RYR3: variants seen among roughly 807,000 people sequenced by gnomAD.
RYR3 encodes the protein ryanodine receptor 3.
Under a neutral mutation model 584.3 loss-of-function variants are expected in RYR3, and 207 were observed. The ratio of observed to expected loss-of-function variants is 0.35; its 90% CI spans 0.32 to 0.40. The LOEUF is 0.40. Ranked by LOEUF, RYR3 falls within the 10% of genes least tolerant of loss-of-function variation. RYR3 has a pLI of 1.00. For missense variants in RYR3, 5,616 were observed against 6,089.2 expected (o/e 0.92, Z 2.59); for synonymous variants, 2,416 against 2,248.5 (o/e 1.07, Z -2.11).
At chr15:33,631,967 G>T (rs770659510) in intron 23 of RYR3, among the ~76,000 whole-genome samples, 3 of 152,242 alleles carry the variant, frequency 2.0e-5, no homozygotes, top group African/African-American at 7.2e-5. Flanking sequence ...TCTCACACAC[G>T]CAACTCCTAG....
intron 64 of RYR3, among the ~76,000 whole-genome samples, chr15:33,776,612 C>G (rs1307000236): frequency 6.6e-6 from 1 of 152,220 alleles, no homozygotes; most frequent in African/African-American, 2.4e-5. Flanking sequence ...AGGTCACCAT[C>G]ACTGCTGTCT....
chr15:33,435,736 C>T (rs2045649686), intron 1 of RYR3, among the ~76,000 whole-genome samples: 1 of 152,112 alleles, frequency 6.6e-6, no homozygotes, highest in African/African-American at 2.4e-5. Flanking sequence ...GTCTCACTGA[C>T]TTCAGAGATG....
At chr15:33,522,651 GGATT>G (rs569418587) in intron 3 of RYR3, among the ~76,000 whole-genome samples, 3,876 of 152,284 alleles carry the variant, frequency 0.025, 63 homozygotes, top group Non-Finnish European at 0.04. Context: ...AGCCAGTTGA[GGATT>G]TAACTATCTG....
At chr15:33,728,747 A>C in intron 46 of RYR3, 110 bp from the exon 47 acceptor site, 1 of 1,013,190 alleles carries the variant, frequency 9.9e-7, no homozygotes, top group East Asian at 3.1e-5. Context: ...TTTTTCCAAA[A>C]ATTCTTGTCC....
chr15:33,323,157 G>A (rs1459257167), intron 1 of RYR3, among the ~76,000 whole-genome samples: 1 of 151,824 alleles, frequency 6.6e-6, no homozygotes, highest in Non-Finnish European at 1.5e-5. Context: ...TGTCTCCCAG[G>A]CTGGAGTGCA....
At chr15:33,534,472 A>G (rs1159228836) in intron 5 of RYR3, among the ~76,000 whole-genome samples, 1 of 152,236 alleles carries the variant, frequency 6.6e-6, no homozygotes, top group East Asian at 1.9e-4. Context: ...ATTGCCTCCC[A>G]CCAATGATAT....
At chr15:33,446,022 A>G in intron 1 of RYR3, among the ~76,000 whole-genome samples, 1 of 152,186 alleles carries the variant, frequency 6.6e-6, no homozygotes, top group East Asian at 1.9e-4. Context: ...GTGATTGTCC[A>G]GATTTGATTA....
chr15:33,722,818 G>T lies in RYR3; in HGVS notation c.6723G>T (p.Leu2241Phe). ...ALRGEGGNGLLAAMQGAIKIS... is the reference protein window; with the variant it reads ...ALRGEGGNGLFAAMQGAIKIS... ...GGGGTGAGGGGGGAAACGGGCTCTT[G>T]GCAGCCATGCAGGGTGCCATTAAGA... Residue 2241 changes from leucine to phenylalanine, a missense_variant, in exon 44 of 104, where the codon TTG becomes TTT. Leu to Phe is a conservative substitution (Grantham distance 22). Transcript: ENST00000634891. The T allele has an allele frequency of 6.2e-7, 1 of 1,613,340 alleles. No homozygotes were observed. Among genetic ancestry groups the T allele is most frequent in the Non-Finnish European group, 8.5e-7 (1 of 1,179,636 alleles).
chr15:33,615,933 A>G (rs2060426865), intron 19 of RYR3, among the ~76,000 whole-genome samples: 1 of 152,190 alleles, frequency 6.6e-6, no homozygotes, highest in Admixed American at 6.5e-5. Context: ...ATGAGTACAA[A>G]TATAAATACA....
intron 11 of RYR3, among the ~76,000 whole-genome samples, chr15:33,564,971 G>A (rs574708996): frequency 2.0e-5 from 3 of 152,186 alleles, no homozygotes; most frequent in Non-Finnish European, 4.4e-5. Context: ...GAACAAAACA[G>A]TAATCAAGAA....
chr15:33,326,995 AG>A (rs1969787362), intron 1 of RYR3, among the ~76,000 whole-genome samples: 1 of 124,704 alleles, frequency 8.0e-6, no homozygotes, highest in Non-Finnish European at 1.6e-5. Flanking sequence ...GATAAGCCTT[AG>A]GGTGTAGTTT....
rs75146985 is a variant in RYR3, at chr15:33,611,090, G to C, written c.2165-2093G>C. Among the ~76,000 whole-genome samples, 486 of 152,268 alleles carry C rather than the reference G, an allele frequency of 3.2e-3. 5 individuals are homozygous for C. Among genetic ancestry groups the C allele is most frequent in the African/African-American group, 0.011 (451 of 41,556 alleles). Reference sequence around the variant, plus strand: ...TAGCAAAGATACATGTACAGAATTTGTAAATAACTCATATCCATCAGGTGG... The same window carrying C: ...TAGCAAAGATACATGTACAGAATTTCTAAATAACTCATATCCATCAGGTGG... On this transcript the variant is annotated intron_variant, in intron 18 of 103. Transcript: ENST00000634891.
chr15:33,537,993 CT>C (rs934826045), intron 5 of RYR3, among the ~76,000 whole-genome samples: 1 of 150,370 alleles, frequency 6.7e-6, no homozygotes, highest in South Asian at 2.1e-4. Flanking sequence ...CTTTTCTTTT[CT>C]TTTTTTTTCC....
At chr15:33,347,771 A>G (rs894590756) in intron 1 of RYR3, among the ~76,000 whole-genome samples, 22 of 152,012 alleles carry the variant, frequency 1.4e-4, no homozygotes, top group African/African-American at 5.3e-4. Context: ...ATTAAACAAA[A>G]TTTGCTTTTA....
At chr15:33,317,822 G>A (rs1006720174) in intron 1 of RYR3, among the ~76,000 whole-genome samples, 2 of 152,078 alleles carry the variant, frequency 1.3e-5, no homozygotes, top group South Asian at 2.1e-4. Context: ...TCATACTCTG[G>A]GCTATTGTCC....
At chr15:33,833,561 C>A (rs550850413) in intron 86 of RYR3, among the ~76,000 whole-genome samples, 1 of 152,286 alleles carries the variant, frequency 6.6e-6, no homozygotes, top group South Asian at 2.1e-4. Context: ...ATGCAGTGTA[C>A]CTAAGGAGAT....
intron 12 of RYR3, among the ~76,000 whole-genome samples, chr15:33,575,461 C>T (rs191105702): frequency 1.7e-3 from 264 of 152,194 alleles, no homozygotes; most frequent in African/African-American, 4.6e-3. Flanking sequence ...TCAAGAAACT[C>T]GCTCAAAATC....
At chr15:33,675,152 A>C (rs2064094322) in intron 38 of RYR3, among the ~76,000 whole-genome samples, 1 of 152,206 alleles carries the variant, frequency 6.6e-6, no homozygotes, top group African/African-American at 2.4e-5. Context: ...TGTTATGCCC[A>C]TGTATTTTGT....
chr15:33,715,617 CAG>C (rs1382216745), intron 43 of RYR3, among the ~76,000 whole-genome samples: 2 of 152,116 alleles, frequency 1.3e-5, no homozygotes, highest in African/African-American at 4.8e-5. Context: ...TTTATAAAGA[CAG>C]AAATTTATTT....
Sources: allele counts gnomAD v4.1 joint callset (sites outside exome capture counted in the v4.1 genomes callset), GRCh38; gene constraint gnomAD v4.1.1; transcripts MANE v1.5; gene names NCBI Gene and HGNC (gene_info 2026-07-23, HGNC 2026-07-21).